ROBO1: variants seen among roughly 807,000 people sequenced by gnomAD.
ROBO1 encodes roundabout guidance receptor 1, also known as roundabout homolog 1.
ROBO1 carries 149 observed loss-of-function variants against 195.9 expected under a neutral mutation model. The ratio of observed to expected loss-of-function variants is 0.76; its 90% confidence interval spans 0.67 to 0.87. ROBO1 has a LOEUF of 0.87. Among genes scored for constraint, ROBO1 ranks in the 40% least tolerant of loss-of-function variants. The pLI, the probability that ROBO1 is intolerant of heterozygous loss-of-function variation, is 0.00. For missense variants in ROBO1, 1,933 were observed against 2,068.3 expected (o/e 0.93, Z 1.27); for synonymous variants, 816 against 733.2 (o/e 1.11, Z -1.82).
chr3:78,715,506 C>T (rs2118067), intron 7 of ROBO1, among the ~76,000 whole-genome samples: 61,508 of 151,900 alleles, frequency 0.4, 13,719 homozygotes, highest in Middle Eastern at 0.53. Context: ...AATGTAACAC[C>T]CATAGTGCTA....
intron 2 of ROBO1, among the ~76,000 whole-genome samples, chr3:79,284,237 G>A (rs911625524): frequency 6.6e-6 from 1 of 151,966 alleles, no homozygotes. Flanking sequence ...AATAGTGGGA[G>A]AGGGAGACCT....
chr3:78,604,501 T>C (rs1306435094), intron 29 of ROBO1, among the ~76,000 whole-genome samples: 2 of 152,224 alleles, frequency 1.3e-5, no homozygotes, highest in African/African-American at 4.8e-5. Flanking sequence ...AGTCAAAAGT[T>C]CAGAGCCAGA....
chr3:78,823,335 T>A (rs2031220084), intron 4 of ROBO1, among the ~76,000 whole-genome samples: 1 of 152,186 alleles, frequency 6.6e-6, no homozygotes, highest in Non-Finnish European at 1.5e-5. Context: ...TAAGGATTTC[T>A]CATTGGACAA....
At chr3:79,434,377 G>C (rs1378151558) in intron 2 of ROBO1, among the ~76,000 whole-genome samples, 1 of 152,002 alleles carries the variant, frequency 6.6e-6, no homozygotes, top group Non-Finnish European at 1.5e-5. Context: ...CAAGAAAAAA[G>C]TAAACAACAC....
chr3:79,063,759 T>C (rs1003728618), intron 3 of ROBO1, among the ~76,000 whole-genome samples: 2 of 151,878 alleles, frequency 1.3e-5, no homozygotes, highest in African/African-American at 2.4e-5. Flanking sequence ...ACTATTTGTA[T>C]CCTGAAGTCA....
In ROBO1 at chr3:79,224,580, T is replaced by C. The variant is rs2082193514; in HGVS notation, c.89-99041A>G. On this transcript the variant is annotated intron_variant, in intron 2 of 30. Transcript: ENST00000464233. ...CCACTTTACAATGCTCATAGTACCA[T>C]TGATTCATCCACATGTGTGCTGTGC... 2.0e-5 allele frequency among the ~76,000 whole-genome samples: 3 copies of C among 152,240 alleles called. No individual in the cohort carries two copies. The South Asian group carries it at 6.2e-4, about 31-fold the overall frequency.
intron 2 of ROBO1, among the ~76,000 whole-genome samples, chr3:79,310,637 T>C (rs1260900008): frequency 6.6e-6 from 1 of 152,168 alleles, no homozygotes; most frequent in African/African-American, 2.4e-5. Context: ...TTTAGATGTT[T>C]CCCAAAGAAA....
At chr3:79,269,551 T>C (rs1018285521) in intron 2 of ROBO1, among the ~76,000 whole-genome samples, 2 of 151,748 alleles carry the variant, frequency 1.3e-5, no homozygotes, top group Admixed American at 1.3e-4. Flanking sequence ...AATAATGTAA[T>C]GATACTGTGA....
At chr3:79,057,650 C>T (rs1409863551) in intron 3 of ROBO1, among the ~76,000 whole-genome samples, 1 of 152,042 alleles carries the variant, frequency 6.6e-6, no homozygotes, top group Non-Finnish European at 1.5e-5. Context: ...TTCTTCTCTT[C>T]CTCCTTCAGC....
At chr3:78,864,609 G>A (rs978968647) in intron 4 of ROBO1, among the ~76,000 whole-genome samples, 28 of 151,956 alleles carry the variant, frequency 1.8e-4, no homozygotes, top group African/African-American at 6.8e-4. Flanking sequence ...GTAAATACAT[G>A]TATTTTGAAT....
At chr3:79,097,240 A>G (rs2079587181) in intron 3 of ROBO1, among the ~76,000 whole-genome samples, 2 of 151,880 alleles carry the variant, frequency 1.3e-5, no homozygotes, top group African/African-American at 4.8e-5. Flanking sequence ...ACTTTCAAGT[A>G]GATTATTTCT....
chr3:79,280,983 A>G (rs555037091), intron 2 of ROBO1, among the ~76,000 whole-genome samples: 1 of 152,088 alleles, frequency 6.6e-6, no homozygotes, highest in Non-Finnish European at 1.5e-5. Flanking sequence ...AGGGTTGGAG[A>G]CCCCTGTGTT....
Position 79,548,562 on chromosome 3 carries a change from G to A in ROBO1, c.88+41262C>T, listed in dbSNP as rs190595180. Among the ~76,000 whole-genome samples the A allele has an allele frequency of 4.4e-4, 67 of 152,238 alleles. 2 individuals are homozygous for A. The highest frequency in any genetic ancestry group is 2.1e-3 in the Admixed American group (32 of 15,288). On this transcript the variant is annotated intron_variant, in intron 2 of 30. Coordinates refer to ENST00000464233, the MANE Select transcript of ROBO1 (RefSeq NM_002941.4). The stretch of plus-strand genomic sequence containing the variant: ...TAGTTATGGTCACATTCGTCTGGTA[G>A]GAAATAATACATTGAAATGGGCACT...
At chr3:79,290,948 G>T (rs1045076132) in intron 2 of ROBO1, among the ~76,000 whole-genome samples, 1 of 151,968 alleles carries the variant, frequency 6.6e-6, no homozygotes, top group South Asian at 2.1e-4. Context: ...ACTATCTCTT[G>T]CCATTATCCT....
At chr3:79,581,120 T>C (rs1397124637) in intron 2 of ROBO1, among the ~76,000 whole-genome samples, 3 of 151,924 alleles carry the variant, frequency 2.0e-5, no homozygotes, top group Admixed American at 6.6e-5. Context: ...AATAGTTTTG[T>C]TTTTGTTTTT....
At chr3:79,015,363 G>A (rs746298513) in intron 3 of ROBO1, among the ~76,000 whole-genome samples, 3 of 151,152 alleles carry the variant, frequency 2.0e-5, no homozygotes, top group Non-Finnish European at 2.9e-5. Flanking sequence ...CTCTTCCCAA[G>A]AGAAACCCTC....
intron 2 of ROBO1, among the ~76,000 whole-genome samples, chr3:79,391,659 C>G (rs2036956124): frequency 6.6e-6 from 1 of 152,052 alleles, no homozygotes; most frequent in African/African-American, 2.4e-5. Flanking sequence ...AGTATTCCCT[C>G]TAATTCAAGT....
At chr3:79,763,326 A>G (rs867248635) in intron 1 of ROBO1, among the ~76,000 whole-genome samples, 5 of 152,340 alleles carry the variant, frequency 3.3e-5, no homozygotes, top group Middle Eastern at 6.8e-3. Context: ...ATGTAAAAGT[A>G]TATAAGGTAA....
chr3:79,530,829 C>G (rs1281096996), intron 2 of ROBO1, among the ~76,000 whole-genome samples: 2 of 108,850 alleles, frequency 1.8e-5, no homozygotes, highest in East Asian at 4.8e-4. Context: ...TCCCAGTGTT[C>G]TTAGAATAAA....
Sources: gnomAD v4.1 joint callset for allele counts (sites outside exome capture counted in the v4.1 genomes callset) on GRCh38, gnomAD v4.1.1 for gene constraint, MANE v1.5 for transcripts, NCBI Gene and HGNC (gene_info 2026-07-23, HGNC 2026-07-21) for gene names.